Variants in TGM3 observed in about 807,000 individuals in gnomAD.
TGM3 encodes the protein protein-glutamine gamma-glutamyltransferase E.
In TGM3, 52 loss-of-function variants were observed where a neutral mutation model predicts 73.8. The observed-to-expected ratio is 0.70, with a 90% CI of 0.56 to 0.89. The LOEUF is 0.89. Among genes scored for constraint, TGM3 ranks in the 40% least tolerant of loss-of-function variants. The pLI is 0.00. For synonymous variants in TGM3, 372 were observed against 354.9 expected (o/e 1.05, Z -0.54); for missense variants, 928 against 909.9 (o/e 1.02, Z -0.26).
intron 4 of TGM3, among the ~76,000 whole-genome samples, chr20:2,311,728 C>T (rs1398653211): frequency 6.6e-6 from 1 of 152,156 alleles, no homozygotes; most frequent in Non-Finnish European, 1.5e-5. Context: ...CTTGGACCAT[C>T]TACAGACCCT....
At chr20:2,325,825 T>G (rs1211254265) in intron 7 of TGM3, 24 bp from the exon 8 acceptor site, 1 of 1,520,352 alleles carries the variant, frequency 6.6e-7, no homozygotes, top group Non-Finnish European at 8.9e-7. Flanking sequence ...GGGCAAGCGC[T>G]GCAGTCTCTG....
intron 7 of TGM3, among the ~76,000 whole-genome samples, chr20:2,317,959 T>TAC (rs1600699765): frequency 6.8e-6 from 1 of 147,378 alleles, no homozygotes; most frequent in Non-Finnish European, 1.5e-5. Context: ...TATATATATA[T>TAC]ACACCTATTG....
chr20:2,328,765 C>A lies in TGM3; in HGVS notation c.1333+400C>A, dbSNP rs930201275. On this transcript the variant is annotated intron_variant, in intron 9 of 12. Transcript: ENST00000381458. This position sits in a 1 kb window ranked among gnomAD's most constrained non-coding sequence, Gnocchi z 5.2. ...CTGCTCCCTTAGCCTCTGAGAAACTCAGGGAGAAAACCATCTGAACGAAGA... is the reference window on the plus strand; with the variant it reads ...CTGCTCCCTTAGCCTCTGAGAAACTAAGGGAGAAAACCATCTGAACGAAGA... 1.3e-5 allele frequency among the ~76,000 whole-genome samples: 2 copies of A among 152,262 alleles called. No individual in the cohort carries two copies. The highest frequency in any genetic ancestry group is 4.8e-5 in the African/African-American group (2 of 41,464).
chr20:2,330,958 A>C (rs1452971168), intron 9 of TGM3, among the ~76,000 whole-genome samples: 1 of 140,194 alleles, frequency 7.1e-6, no homozygotes, highest in Non-Finnish European at 1.5e-5. Context: ...GTGAGTTGAG[A>C]TCATGCCACT....
chr20:2,317,992 G>A (rs1179184531), intron 7 of TGM3, among the ~76,000 whole-genome samples: 2 of 147,890 alleles, frequency 1.4e-5, no homozygotes, highest in African/African-American at 5.0e-5. Flanking sequence ...GACATCAAAA[G>A]TTCAGAGTTT....
intron 9 of TGM3, 32 bp from the exon 10 acceptor site, chr20:2,331,970 C>T (rs2084322740): frequency 2.5e-6 from 4 of 1,569,410 alleles, no homozygotes; most frequent in Non-Finnish European, 2.6e-6. Context: ...CATCACATCC[C>T]TGGCATGTTT....
At chr20:2,320,885 A>G (rs2122232512) in intron 7 of TGM3, among the ~76,000 whole-genome samples, 1 of 152,190 alleles carries the variant, frequency 6.6e-6, no homozygotes, top group East Asian at 1.9e-4. Context: ...TGATCCCCCA[A>G]TTTCTAGAGT....
At position 2,335,264 on chromosome 20, in the gene TGM3, G is replaced by A. The variant is rs2084343277; in HGVS notation, c.1791G>A (p.Leu597=). ...ACATCATCCTGGACAACCCCACCTT[G>A]ACCCTGGAGGTAATGGGGCTCCCCA... ...ERDIILDNPT[L]TLEVLNEARV... is the part of the protein sequence containing the mutation. Residue 597 remains leucine, a synonymous_variant, in exon 11 of 13, where the codon TTG becomes TTA. Coordinates refer to ENST00000381458, the MANE Select transcript of TGM3 (RefSeq NM_003245.4). 2 of 1,614,062 alleles carry A rather than the reference G, an allele frequency of 1.2e-6. No homozygotes were observed. Among genetic ancestry groups the A allele is most frequent in the Non-Finnish European group, 8.5e-7 (1 of 1,180,002 alleles).
intron 4 of TGM3, 114 bp from the exon 5 acceptor site, chr20:2,312,784 C>A: frequency 6.9e-7 from 1 of 1,452,724 alleles, no homozygotes; most frequent in Middle Eastern, 1.8e-4. Flanking sequence ...GTTCCAGAGG[C>A]CACAGAGTCA....
At position 2,312,918 on chromosome 20, in the gene TGM3, C is replaced by G. The variant is rs988518942; in HGVS notation, c.561C>G (p.Ser187Arg). The G allele has an allele frequency of 6.8e-6, 11 of 1,614,072 alleles. No individual in the cohort carries two copies. The African/African-American group carries it at 1.2e-4, about 18-fold the overall frequency. Reference sequence around the variant, plus strand: ...AACAGTTTGAAGAAGACATTCTCAGCATCTGCCTCTCAATCTTGGATAGGA... The same window carrying G: ...AACAGTTTGAAGAAGACATTCTCAGGATCTGCCTCTCAATCTTGGATAGGA... ...NFGQFEEDILSICLSILDRSL... is the reference protein window; with the variant it reads ...NFGQFEEDILRICLSILDRSL... Residue 187 changes from serine to arginine, a missense_variant, in exon 5 of 13, where the codon AGC becomes AGG. Transcript: ENST00000381458.
At chr20:2,313,557 C>T (rs1045118928) in intron 5 of TGM3, among the ~76,000 whole-genome samples, 4 of 152,166 alleles carry the variant, frequency 2.6e-5, no homozygotes, top group South Asian at 2.1e-4. Context: ...TCAAGGCACA[C>T]GGCATGCAAG....
Position 2,335,226 on chromosome 20 carries a change from G to C in TGM3, c.1753G>C (p.Val585Leu). ...VCKVPDESEV[V>L]VERDIILDNP... ...CAAGGTCCCAGATGAGTCTGAGGTG[G>C]TGGTGGAGCGGGACATCATCCTGGA... The change falls in exon 11 of 13, where the codon GTG becomes CTG. Residue 585 changes from valine (V) to leucine (L), a missense_variant. Coordinates refer to ENST00000381458, the MANE Select transcript of TGM3 (RefSeq NM_003245.4). 6.2e-7 allele frequency: 1 copy of C among 1,614,230 alleles called. No individual in the cohort carries two copies. The highest frequency in any genetic ancestry group is 8.5e-7 in the Non-Finnish European group (1 of 1,180,040).
At chr20:2,300,742 C>T (rs62192644) in intron 1 of TGM3, among the ~76,000 whole-genome samples, 17,149 of 152,180 alleles carry the variant, frequency 0.11, 1,064 homozygotes, top group Middle Eastern at 0.24. Context: ...AAAAACATAA[C>T]GCAGGTGAAA....
intron 7 of TGM3, among the ~76,000 whole-genome samples, chr20:2,322,778 C>T (rs1187621518): frequency 4.6e-5 from 7 of 152,182 alleles, no homozygotes; most frequent in Non-Finnish European, 4.4e-5. Flanking sequence ...ACACAGGACT[C>T]AACTTTCTGT....
intron 5 of TGM3, among the ~76,000 whole-genome samples, chr20:2,316,527 A>ACT (rs1568626480): frequency 6.6e-6 from 1 of 152,090 alleles, no homozygotes; most frequent in African/African-American, 2.4e-5. Context: ...ACGCCACTGC[A>ACT]CTCCAGCCAG....
chr20:2,340,650 C>A lies in TGM3; in HGVS notation c.*69C>A. On this transcript the variant is annotated 3_prime_UTR_variant, in exon 13 of 13. Transcript: ENST00000381458. ...AGGGAGAGCTCACCATGGAATGAACCCCCCGCCCATGCTGTCCGGCCTGGG... is the reference window on the plus strand; with the variant it reads ...AGGGAGAGCTCACCATGGAATGAACACCCCGCCCATGCTGTCCGGCCTGGG... 1 of 1,599,100 alleles carries A rather than the reference C, an allele frequency of 6.3e-7. No individual in the cohort carries two copies. Among genetic ancestry groups the A allele is most frequent in the Non-Finnish European group, 8.6e-7 (1 of 1,169,098 alleles).
intron 1 of TGM3, among the ~76,000 whole-genome samples, chr20:2,302,582 A>G (rs2084154344): frequency 6.6e-6 from 1 of 152,088 alleles, no homozygotes; most frequent in South Asian, 2.1e-4. Flanking sequence ...TAGGGTACGT[A>G]TGGCCCTGCA....
In TGM3 at chr20:2,332,126, G is replaced by T. The variant is rs1397463166; in HGVS notation, c.1458G>T (p.Lys486Asn). 6.2e-7 allele frequency: 1 copy of T among 1,614,218 alleles called. No homozygotes were observed. Among genetic ancestry groups the T allele is most frequent in the Non-Finnish European group, 8.5e-7 (1 of 1,180,038 alleles). ...TEEQEPSIIG[K>N]LKVAGMLAVG... ...AACAGGAGCCCAGCATCATCGGGAA[G>T]CTGAAGGTCGCTGGCATGCTGGCAG... The change falls in exon 10 of 13, where the codon AAG becomes AAT. Residue 486 changes from lysine to asparagine, a missense_variant. Lys to Asn is a moderately conservative substitution (Grantham distance 94). Coordinates refer to ENST00000381458, the MANE Select transcript of TGM3 (RefSeq NM_003245.4). This position sits in a 1 kb window ranked among gnomAD's most constrained non-coding sequence, Gnocchi z 4.4.
At chr20:2,309,178 G>A (rs895974479) in intron 1 of TGM3, among the ~76,000 whole-genome samples, 12 of 152,200 alleles carry the variant, frequency 7.9e-5, no homozygotes, top group Non-Finnish European at 1.0e-4. Context: ...CACACCCGGC[G>A]CCTCCCTTCG....
Sources: allele counts gnomAD v4.1 joint callset (sites outside exome capture counted in the v4.1 genomes callset), GRCh38; gene constraint gnomAD v4.1.1; non-coding constraint Gnocchi (gnomAD v3.1); transcripts MANE v1.5; gene names NCBI Gene and HGNC (gene_info 2026-07-23, HGNC 2026-07-21).